Variants in SLC12A8 observed in about 807,000 individuals in gnomAD.
SLC12A8 encodes solute carrier family 12 member 8.
In SLC12A8, 69 loss-of-function variants were observed where a neutral mutation model predicts 75.6. The ratio of observed to expected loss-of-function variants is 0.91; its 90% confidence interval spans 0.75 to 1.11. The LOEUF is 1.11. Ranked by LOEUF, SLC12A8 falls within the 50% of genes most tolerant of loss-of-function variation. The pLI is 0.00. For missense variants in SLC12A8, 877 were observed against 896.7 expected (o/e 0.98, Z 0.28); for synonymous variants, 365 against 372.8 (o/e 0.98, Z 0.24).
At chr3:125,131,974 T>C (rs2948825) in intron 6 of SLC12A8, among the ~76,000 whole-genome samples, 11,259 of 152,162 alleles carry the variant, frequency 0.074, 496 homozygotes, top group Admixed American at 0.096. Flanking sequence ...ACATAGACCC[T>C]AAGCATAGGG....
chr3:125,181,588 A>G (rs1376619514), intron 4 of SLC12A8, among the ~76,000 whole-genome samples: 1 of 139,574 alleles, frequency 7.2e-6, no homozygotes, highest in Admixed American at 7.4e-5. Flanking sequence ...GGCCTGGGCG[A>G]CAGAGCGAGA....
At chr3:125,101,348 G>C (rs1226395905) in intron 10 of SLC12A8, among the ~76,000 whole-genome samples, 3 of 152,216 alleles carry the variant, frequency 2.0e-5, no homozygotes, top group Non-Finnish European at 2.9e-5. Context: ...GCTATTTTTA[G>C]CTACTAATAA....
intron 3 of SLC12A8, among the ~76,000 whole-genome samples, chr3:125,189,487 C>G (rs1360387542): frequency 6.6e-6 from 1 of 152,236 alleles, no homozygotes; most frequent in African/African-American, 2.4e-5. Context: ...GCACTCATAG[C>G]CTGTTCCACC....
At chr3:125,112,238 CCTTT>C (rs1438017783) in intron 8 of SLC12A8, among the ~76,000 whole-genome samples, 6 of 152,292 alleles carry the variant, frequency 3.9e-5, no homozygotes, top group Non-Finnish European at 7.4e-5. Context: ...ACTGTTGATT[CCTTT>C]CTTTATCATC....
At chr3:125,146,733 T>C (rs983050562) in intron 5 of SLC12A8, among the ~76,000 whole-genome samples, 1 of 152,126 alleles carries the variant, frequency 6.6e-6, no homozygotes, top group Non-Finnish European at 1.5e-5. Context: ...CCACCTCCCA[T>C]GGCTCAAGTG....
intron 7 of SLC12A8, chr3:125,119,115 A>G (rs1369174616): frequency 3.3e-6 from 1 of 305,364 alleles, no homozygotes; most frequent in Non-Finnish European, 6.2e-6. Context: ...GGAACACTTC[A>G]CGAATTTGCA....
At chr3:125,125,931 C>G in intron 6 of SLC12A8, 1 of 985,154 alleles carries the variant, frequency 1.0e-6, no homozygotes, top group Non-Finnish European at 1.2e-6. Context: ...GGTTTCGCCA[C>G]AGGCACTTGC....
chr3:125,087,392 C>T (rs1938487644), intron 13 of SLC12A8, among the ~76,000 whole-genome samples: 2 of 152,078 alleles, frequency 1.3e-5, no homozygotes, highest in African/African-American at 4.8e-5. Context: ...CACGCCCAGC[C>T]CTATTTTACC....
intron 6 of SLC12A8, among the ~76,000 whole-genome samples, chr3:125,121,132 G>A (rs1012983921): frequency 6.6e-6 from 1 of 152,136 alleles, no homozygotes; most frequent in African/African-American, 2.4e-5. Flanking sequence ...TGTCCTCGGG[G>A]TCAGGTACCA....
intron 2 of SLC12A8, chr3:125,206,554 A>G (rs773940477): frequency 2.0e-5 from 3 of 152,374 alleles, no homozygotes; most frequent in East Asian, 1.9e-4. Flanking sequence ...ACCAGGCTCT[A>G]TCTTACCACA....
At chr3:125,177,689 T>A in intron 5 of SLC12A8, 54 bp downstream of exon 5, 1 of 1,451,296 alleles carries the variant, frequency 6.9e-7, no homozygotes, top group Non-Finnish European at 9.6e-7. Context: ...CCTACAAACA[T>A]CTCTAAAGCA....
chr3:125,140,842 C>T (rs182893751), intron 5 of SLC12A8, among the ~76,000 whole-genome samples: 37 of 152,356 alleles, frequency 2.4e-4, no homozygotes, highest in Admixed American at 2.4e-3. Context: ...ACCTTGGCCT[C>T]CCAAAGCACT....
In SLC12A8 at chr3:125,177,975, C is replaced by A. The variant is rs1032020705; in HGVS notation, c.391-1G>T. 1 of 1,610,298 alleles carries A rather than the reference C, an allele frequency of 6.2e-7. No homozygotes were observed. Among genetic ancestry groups the A allele is most frequent in the East Asian group, 2.2e-5 (1 of 44,870 alleles). On this transcript the variant is annotated splice_acceptor_variant, in intron 4 of 13. Coordinates refer to ENST00000469902, the MANE Select transcript of SLC12A8 (RefSeq NM_024628.6). LOFTEE classifies it high-confidence loss of function. ...TGATATACATGGCACCTGCAACACA[C>A]TGACATGCGATTCCAGGTAGAAGAG...
At chr3:125,188,606 AAGG>A (rs1934843174) in intron 3 of SLC12A8, among the ~76,000 whole-genome samples, 1 of 152,176 alleles carries the variant, frequency 6.6e-6, no homozygotes. Flanking sequence ...CACTTCTAAG[AAGG>A]AGATGTAATG....
intron 6 of SLC12A8, among the ~76,000 whole-genome samples, chr3:125,133,063 A>T (rs1383790510): frequency 6.6e-6 from 1 of 152,164 alleles, no homozygotes; most frequent in Admixed American, 6.5e-5. Flanking sequence ...CAGGCTTGCA[A>T]TTCCCAAAGG....
At chr3:125,098,553 T>TCC (rs1553785649) in intron 10 of SLC12A8, among the ~76,000 whole-genome samples, 1 of 83,792 alleles carries the variant, frequency 1.2e-5, no homozygotes, top group African/African-American at 4.3e-5. Flanking sequence ...GTGAATCTTC[T>TCC]CCACACACAC....
intron 10 of SLC12A8, among the ~76,000 whole-genome samples, chr3:125,093,172 A>C (rs1270359204): frequency 6.6e-6 from 1 of 152,244 alleles, no homozygotes; most frequent in Non-Finnish European, 1.5e-5. Flanking sequence ...ATCACCATGA[A>C]CACCACAATA....
chr3:125,119,874 G>A (rs1018299554), intron 7 of SLC12A8: 2 of 456,686 alleles, frequency 4.4e-6, no homozygotes, highest in South Asian at 3.1e-5. Flanking sequence ...ACCCAATGAA[G>A]GGCAGAGAAG....
rs764137576 is a variant in SLC12A8 at position 125,110,170 on chromosome 3, A to C, written c.1059+19T>G. Reference sequence around the variant, plus strand: ...AAAACATGTTTCAAAAAACAAACCAAAAAAAGAGGATTACTCACCCCTTGT... The same window carrying C: ...AAAACATGTTTCAAAAAACAAACCACAAAAAGAGGATTACTCACCCCTTGT... On this transcript the variant is annotated intron_variant, in intron 9 of 13. Coordinates refer to ENST00000469902, the MANE Select transcript of SLC12A8 (RefSeq NM_024628.6). 6.2e-7 allele frequency: 1 copy of C among 1,600,792 alleles called. No individual in the cohort carries two copies. Among genetic ancestry groups the C allele is most frequent in the African/African-American group, 1.3e-5 (1 of 74,384 alleles).
Sources: gnomAD v4.1 joint callset for allele counts (sites outside exome capture counted in the v4.1 genomes callset) on GRCh38, gnomAD v4.1.1 for gene constraint, MANE v1.5 for transcripts, NCBI Gene and HGNC (gene_info 2026-07-23, HGNC 2026-07-21) for gene names.